Variants in RIMBP2 observed in about 807,000 individuals in gnomAD.
The protein encoded by RIMBP2 is RIMS binding protein 2.
RIMBP2 carries 48 observed loss-of-function variants against 118.6 expected under a neutral mutation model. The observed-to-expected ratio is 0.40, with a 90% CI of 0.32 to 0.51. The LOEUF (loss-of-function observed/expected upper bound fraction) is 0.51, where lower values mean the gene tolerates loss of function less well. Ranked by LOEUF, RIMBP2 falls within the 20% of genes least tolerant of loss-of-function variation. The pLI is 0.41. For synonymous variants in RIMBP2, 762 were observed against 742.9 expected (o/e 1.03, Z -0.42); for missense variants, 1,551 against 1,768.3 (o/e 0.88, Z 2.20).
intron 1 of RIMBP2, among the ~76,000 whole-genome samples, chr12:130,672,265 C>A (rs1359694416): frequency 1.3e-5 from 2 of 152,202 alleles, no homozygotes; most frequent in Non-Finnish European, 2.9e-5. Flanking sequence ...GTGCTCTTGG[C>A]CAGGTCTGCA....
At chr12:130,612,012 G>A (rs1418401539) in intron 2 of RIMBP2, among the ~76,000 whole-genome samples, 1 of 152,194 alleles carries the variant, frequency 6.6e-6, no homozygotes, top group Non-Finnish European at 1.5e-5. Context: ...GGCGTCATGA[G>A]TCTTTGCCCT....
At chr12:130,658,075 T>A (rs1173333865) in intron 1 of RIMBP2, 1 of 152,218 alleles carries the variant, frequency 6.6e-6, no homozygotes, top group Non-Finnish European at 1.5e-5. Context: ...CACGACTCCG[T>A]CCCACCTTCC....
At chr12:130,580,985 A>G (rs922657396) in intron 2 of RIMBP2, among the ~76,000 whole-genome samples, 1 of 152,004 alleles carries the variant, frequency 6.6e-6, no homozygotes, top group Non-Finnish European at 1.5e-5. Context: ...ATATAGATAT[A>G]TATTAAAATA....
At chr12:130,684,952 C>T (rs944233148) in intron 1 of RIMBP2, among the ~76,000 whole-genome samples, 1 of 152,170 alleles carries the variant, frequency 6.6e-6, no homozygotes, top group African/African-American at 2.4e-5. Flanking sequence ...GCAGGAGATC[C>T]AAGAACCCTC....
intron 1 of RIMBP2, among the ~76,000 whole-genome samples, chr12:130,648,394 T>C (rs2063081424): frequency 6.9e-6 from 1 of 145,338 alleles, no homozygotes; most frequent in African/African-American, 2.5e-5. Context: ...ACACATAAGG[T>C]ATTCATTGTA....
intron 2 of RIMBP2, among the ~76,000 whole-genome samples, chr12:130,544,910 G>A (rs553088965): frequency 7.2e-5 from 11 of 152,184 alleles, no homozygotes; most frequent in African/African-American, 2.2e-4. Context: ...GAGAGAGTGC[G>A]GGTGAGAGTG....
At position 130,478,971 on chromosome 12, in the gene RIMBP2, G is replaced by T; in HGVS notation, c.43C>A (p.His15Asn). 6.2e-7 allele frequency: 1 copy of T among 1,613,834 alleles called. No homozygotes were observed. Among genetic ancestry groups the T allele is most frequent in the East Asian group, 2.2e-5 (1 of 44,890 alleles). Residue 15 changes from histidine (H) to asparagine (N), a missense_variant, in exon 5 of 23, where the codon CAT (histidine) becomes AAT (asparagine). By Grantham distance (68) the His-to-Asn change is moderately conservative. Around this residue, in one of 5 missense-constraint regions of RIMBP2, gnomAD observed 239 missense variants for 256.8 expected, o/e 0.93. Coordinates refer to ENST00000690449, the MANE Select transcript of RIMBP2 (RefSeq NM_001393629.1). ...CTGAGAACAGCCAGGGCCTGGTCAT[G>T]CTCCAACTGCAGCTGCTGCCGCCGT... ...AERRQQLQLE[H>N]DQALAVLSAK... is the part of the protein sequence containing the mutation.
At chr12:130,662,597 A>C (rs1215009740) in intron 1 of RIMBP2, among the ~76,000 whole-genome samples, 2 of 152,096 alleles carry the variant, frequency 1.3e-5, no homozygotes, top group Non-Finnish European at 2.9e-5. Context: ...TGGAGGTTGC[A>C]GTGAGCCAAG....
chr12:130,412,929 C>T (rs1046179368), intron 18 of RIMBP2, 142 bp from the exon 19 acceptor site: 8 of 778,180 alleles, frequency 1.0e-5, no homozygotes, highest in Non-Finnish European at 1.6e-5. Context: ...GCATAGGTCA[C>T]CCACGTGTGT....
chr12:130,580,650 T>C (rs1225529897), intron 2 of RIMBP2, among the ~76,000 whole-genome samples: 1 of 152,238 alleles, frequency 6.6e-6, no homozygotes, highest in South Asian at 2.1e-4. Context: ...TTTTAAATAC[T>C]GCATTAAGAC....
chr12:130,456,566 C>G lies in RIMBP2; in HGVS notation c.288G>C (p.Leu96=), dbSNP rs1470483063. 1 of 1,613,200 alleles carries G rather than the reference C, an allele frequency of 6.2e-7. No individual in the cohort carries two copies. The highest frequency in any genetic ancestry group is 1.7e-5 in the Admixed American group (1 of 59,980). ...DLLGGSAVAP[L]DISTAPSKPF... is the part of the protein sequence containing the mutation. ...GCTTGCTGGGGGCCGTGGAGATGTC[C>G]AGGGGGGCCACCGCGCTGCCACCCA... Residue 96 remains leucine, a synonymous_variant, in exon 7 of 23, where the codon CTG becomes CTC. Coordinates refer to ENST00000690449, the MANE Select transcript of RIMBP2 (RefSeq NM_001393629.1).
At chr12:130,406,740 G>A (rs796538814) in intron 20 of RIMBP2, among the ~76,000 whole-genome samples, 4 of 152,152 alleles carry the variant, frequency 2.6e-5, no homozygotes, top group Middle Eastern at 3.2e-3. Flanking sequence ...TCTGCCTCTC[G>A]GGTTCAAGCA....
intron 1 of RIMBP2, among the ~76,000 whole-genome samples, chr12:130,629,773 A>C (rs941017908): frequency 6.6e-6 from 1 of 152,096 alleles, no homozygotes; most frequent in Non-Finnish European, 1.5e-5. Flanking sequence ...TTCTACAACA[A>C]AATGTGTTCA....
At position 130,511,839 on chromosome 12, in the gene RIMBP2, C is replaced by A. The variant is rs949511943; in HGVS notation, c.-126-5069G>T. On this transcript the variant is annotated intron_variant, in intron 3 of 22. Coordinates refer to ENST00000690449, the MANE Select transcript of RIMBP2 (RefSeq NM_001393629.1). The surrounding 1 kb of genome is among the most constrained non-coding windows in gnomAD (Gnocchi z 4.3). Reference sequence around the variant, plus strand: ...CCTGTCTCGGTGTCAAGGAAGCCACCCTCCACACACGTCTCTGCTGGACAG... The same window carrying A: ...CCTGTCTCGGTGTCAAGGAAGCCACACTCCACACACGTCTCTGCTGGACAG... Among the ~76,000 whole-genome samples, 3 of 151,924 alleles carry A rather than the reference C, an allele frequency of 2.0e-5. No individual in the cohort carries two copies. Among genetic ancestry groups the A allele is most frequent in the Non-Finnish European group, 2.9e-5 (2 of 67,986 alleles).
intron 1 of RIMBP2, among the ~76,000 whole-genome samples, chr12:130,663,318 C>T (rs372528074): frequency 6.6e-6 from 1 of 152,176 alleles, no homozygotes; most frequent in African/African-American, 2.4e-5. Flanking sequence ...TGGGAGGGGG[C>T]CAGGCACCTG....
intron 1 of RIMBP2, among the ~76,000 whole-genome samples, chr12:130,709,566 T>C (rs1949747007): frequency 6.6e-6 from 1 of 152,074 alleles, no homozygotes; most frequent in Non-Finnish European, 1.5e-5. Flanking sequence ...ATTTTGGGGC[T>C]CCCCTCTCAG....
chr12:130,532,219 G>A (rs61934573), intron 2 of RIMBP2, among the ~76,000 whole-genome samples: 16,569 of 74,246 alleles, frequency 0.22, 2,124 homozygotes, highest in Admixed American at 0.3. Flanking sequence ...TAGGAGTTAC[G>A]TCTAATGAGA....
intron 19 of RIMBP2, among the ~76,000 whole-genome samples, chr12:130,411,114 G>A (rs2075676811): frequency 2.6e-5 from 4 of 152,048 alleles, no homozygotes; most frequent in African/African-American, 7.2e-5. Flanking sequence ...CATTGTAAAC[G>A]GCACTACTTT....
At chr12:130,654,843 G>C (rs2063358138) in intron 1 of RIMBP2, among the ~76,000 whole-genome samples, 2 of 152,210 alleles carry the variant, frequency 1.3e-5, no homozygotes, top group Non-Finnish European at 1.5e-5. Flanking sequence ...ACAAAGAGGA[G>C]CCAGCATGTC....
Sources: gnomAD v4.1 joint callset for allele counts (sites outside exome capture counted in the v4.1 genomes callset) on GRCh38, gnomAD v4.1.1 for gene constraint, gnomAD v4.1.1 regional missense constraint, Gnocchi (gnomAD v3.1) non-coding constraint, MANE v1.5 for transcripts, NCBI Gene and HGNC (gene_info 2026-07-23, HGNC 2026-07-21) for gene names.